The following PLCXD3 variants were observed in gnomAD, a reference collection of about 807,000 sequenced individuals.
PLCXD3 encodes the protein phosphatidylinositol specific phospholipase C X domain containing 3, also known as PI-PLC X domain-containing protein 3.
In PLCXD3, 19 loss-of-function variants were observed where a neutral mutation model predicts 25.5. That is an observed-to-expected ratio of 0.75 (90% CI 0.52 to 1.09). The LOEUF (loss-of-function observed/expected upper bound fraction) is 1.09, where lower values mean the gene tolerates loss of function less well. Ranked by LOEUF, PLCXD3 falls within the 50% of genes least tolerant of loss-of-function variation. PLCXD3 has a pLI of 0.00. For synonymous variants in PLCXD3, 174 were observed against 137.6 expected, an observed-to-expected ratio of 1.26 and a Z score of -1.85; for missense variants, 411 against 388.1, an observed-to-expected ratio of 1.06 and a Z score of -0.50.
At chr5:41,430,530 A>G (rs1218699594) in intron 1 of PLCXD3, among the ~76,000 whole-genome samples, 1 of 152,182 alleles carries the variant, frequency 6.6e-6, no homozygotes, top group Admixed American at 6.6e-5. Context: ...AATATTTAGG[A>G]AAGATACAAA....
chr5:41,503,762 C>A (rs1278792446), intron 1 of PLCXD3, among the ~76,000 whole-genome samples: 1 of 152,070 alleles, frequency 6.6e-6, no homozygotes, highest in Non-Finnish European at 1.5e-5. Context: ...CTATACAAAC[C>A]AGAAGACATG....
At chr5:41,368,100 T>G (rs1231497181) in intron 2 of PLCXD3, among the ~76,000 whole-genome samples, 1 of 152,348 alleles carries the variant, frequency 6.6e-6, no homozygotes, top group African/African-American at 2.4e-5. Flanking sequence ...GAGCATGGAA[T>G]GTTTTTCCAT....
chr5:41,372,759 C>A (rs76830799), intron 2 of PLCXD3, among the ~76,000 whole-genome samples: 16,691 of 151,892 alleles, frequency 0.11, 1,157 homozygotes, highest in Admixed American at 0.17. Context: ...AAACTGAGTT[C>A]TTGGCCATGC....
chr5:41,314,498 G>T (rs1348238158), intron 2 of PLCXD3, among the ~76,000 whole-genome samples: 1 of 152,206 alleles, frequency 6.6e-6, no homozygotes, highest in Admixed American at 6.5e-5. Flanking sequence ...ATGGAGCAAA[G>T]AAAAGAAGAT....
chr5:41,398,987 A>G (rs1746095762), intron 1 of PLCXD3, among the ~76,000 whole-genome samples: 1 of 152,218 alleles, frequency 6.6e-6, no homozygotes, highest in South Asian at 2.1e-4. Context: ...AGAACTTATA[A>G]ACAAATTTAG....
chr5:41,373,791 C>T (rs1218354582), intron 2 of PLCXD3, among the ~76,000 whole-genome samples: 1 of 152,038 alleles, frequency 6.6e-6, no homozygotes, highest in Non-Finnish European at 1.5e-5. Context: ...GACACTGAGT[C>T]TAGAAATTAT....
chr5:41,492,569 C>T (rs1580401033), intron 1 of PLCXD3, among the ~76,000 whole-genome samples: 1 of 152,070 alleles, frequency 6.6e-6, no homozygotes, highest in South Asian at 2.1e-4. Flanking sequence ...CTTTCAGGTA[C>T]ACCAATCAGA....
At chr5:41,493,381 G>T (rs111752789) in intron 1 of PLCXD3, among the ~76,000 whole-genome samples, 1 of 152,190 alleles carries the variant, frequency 6.6e-6, no homozygotes, top group African/African-American at 2.4e-5. Flanking sequence ...AGGGGTCAGG[G>T]GTCAGGGACC....
intron 1 of PLCXD3, among the ~76,000 whole-genome samples, chr5:41,419,304 GT>G: frequency 6.6e-6 from 1 of 152,172 alleles, no homozygotes; most frequent in East Asian, 1.9e-4. Flanking sequence ...CCAAGGCTTC[GT>G]GATAATAAAA....
rs1184485468 is a variant in PLCXD3, at chr5:41,311,909, T to C, written c.*1708A>G. The C allele has an allele frequency of 6.6e-6, 1 of 152,592 alleles. No homozygotes were observed. The highest frequency in any genetic ancestry group is 1.5e-5 in the Non-Finnish European group (1 of 68,020). The allele number at this position is 152,592 out of a possible 1,614,324, so 9.5% of individuals were successfully genotyped here. On this transcript the variant is annotated 3_prime_UTR_variant, in exon 3 of 3. Transcript: ENST00000377801. ...TTCATTAAAAGCTGAGGGCATGCTT[T>C]TATTTCTCTATGACCCTACTTTGCA...
chr5:41,322,178 C>T (rs983342367), intron 2 of PLCXD3, among the ~76,000 whole-genome samples: 2 of 152,176 alleles, frequency 1.3e-5, no homozygotes, highest in Non-Finnish European at 2.9e-5. Context: ...TCAAACTACC[C>T]ATCTGACATG....
intron 1 of PLCXD3, among the ~76,000 whole-genome samples, chr5:41,407,629 T>C (rs1746391142): frequency 6.6e-6 from 1 of 152,208 alleles, no homozygotes; most frequent in African/African-American, 2.4e-5. Context: ...CAACACACAA[T>C]ATGTATCACA....
At chr5:41,360,069 G>A (rs1744730938) in intron 2 of PLCXD3, among the ~76,000 whole-genome samples, 1 of 152,060 alleles carries the variant, frequency 6.6e-6, no homozygotes, top group Non-Finnish European at 1.5e-5. Context: ...GATGGACTGG[G>A]TTAATTTGAA....
At chr5:41,387,385 T>C (rs1745671887) in intron 1 of PLCXD3, among the ~76,000 whole-genome samples, 1 of 152,150 alleles carries the variant, frequency 6.6e-6, no homozygotes, top group Non-Finnish European at 1.5e-5. Context: ...AGAAAATTTG[T>C]ATTGTTTAAG....
chr5:41,363,408 A>T (rs1476327090), intron 2 of PLCXD3, among the ~76,000 whole-genome samples: 1 of 152,200 alleles, frequency 6.6e-6, no homozygotes, highest in Non-Finnish European at 1.5e-5. Context: ...CCAAGAATTC[A>T]GGATATTTTC....
At chr5:41,407,502 G>A (rs1186897489) in intron 1 of PLCXD3, among the ~76,000 whole-genome samples, 2 of 152,142 alleles carry the variant, frequency 1.3e-5, no homozygotes, top group African/African-American at 4.8e-5. Context: ...TGGAGACAAA[G>A]ACCAGCCATT....
chr5:41,355,726 C>A (rs2150483067), intron 2 of PLCXD3, among the ~76,000 whole-genome samples: 1 of 152,220 alleles, frequency 6.6e-6, no homozygotes, highest in Admixed American at 6.5e-5. Flanking sequence ...TGCATGCTGC[C>A]CTAGTCACGA....
intron 1 of PLCXD3, among the ~76,000 whole-genome samples, chr5:41,495,622 G>C (rs1225049105): frequency 1.3e-5 from 2 of 152,122 alleles, no homozygotes; most frequent in Non-Finnish European, 2.9e-5. Flanking sequence ...CATCAGTCAG[G>C]CATCATTCAT....
chr5:41,488,750 T>C (rs1259536287), intron 1 of PLCXD3, among the ~76,000 whole-genome samples: 2,185 of 147,646 alleles, frequency 0.015, 73 homozygotes, highest in African/African-American at 0.053. Context: ...TCTGTTCATG[T>C]CCTTTGCCCA....
Sources: gnomAD v4.1 joint callset for allele counts (sites outside exome capture counted in the v4.1 genomes callset) on GRCh38, gnomAD v4.1.1 for gene constraint, MANE v1.5 for transcripts, NCBI Gene and HGNC (gene_info 2026-07-23, HGNC 2026-07-21) for gene names.